Variants in OPA1 observed in about 807,000 individuals in gnomAD.
The protein encoded by OPA1 is dynamin-like GTPase OPA1, mitochondrial.
OPA1 carries 59 observed loss-of-function variants against 152.9 expected under a neutral mutation model. That is an observed-to-expected ratio of 0.39 (90% confidence interval 0.31 to 0.48). The LOEUF (loss-of-function observed/expected upper bound fraction) is 0.48, where lower values mean the gene tolerates loss of function less well. Ranked by LOEUF, OPA1 falls within the 20% of genes least tolerant of loss-of-function variation. OPA1 has a pLI of 0.96. For synonymous variants in OPA1, 400 were observed against 389.9 expected (o/e 1.03, Z -0.31); for missense variants, 1,008 against 1,216.8 (o/e 0.83, Z 2.55).
At chr3:193,639,866 G>A (rs1007339756) in intron 11 of OPA1, among the ~76,000 whole-genome samples, 3 of 152,208 alleles carry the variant, frequency 2.0e-5, no homozygotes, top group African/African-American at 7.2e-5. Flanking sequence ...AATGTGTTTT[G>A]AAAGTAGAAT....
chr3:193,691,980 T>C lies in OPA1; in HGVS notation c.2984-83T>C, dbSNP rs543385207. 8.5e-5 allele frequency: 70 copies of C among 819,910 alleles called. 3 individuals are homozygous for C. In the South Asian group the frequency reaches 1.1e-3, roughly 12 times the overall value. 50.8% of individuals were successfully genotyped at this position (819,910 alleles called of 1,614,324 possible). A position where few individuals can be genotyped will look rare whatever the true frequency, so the allele number is the denominator to read the frequency against. On this transcript the variant is annotated intron_variant, in intron 29 of 30. Coordinates refer to ENST00000361510, the MANE Select transcript of OPA1 (RefSeq NM_130837.3). ...TCTTTTTCCCGCAAATAGTTAAGTA[T>C]ACCAACCATTTAGTAAATAATTACC...
intron 26 of OPA1, 74 bp from the exon 27 acceptor site, chr3:193,664,806 G>T: frequency 1.2e-6 from 1 of 835,174 alleles, no homozygotes; most frequent in Non-Finnish European, 2.0e-6. Context: ...TATAATTTTT[G>T]TACAACTTCT....
intron 8 of OPA1, among the ~76,000 whole-genome samples, chr3:193,632,694 C>T (rs895752848): frequency 5.3e-5 from 8 of 151,894 alleles, no homozygotes; most frequent in African/African-American, 1.9e-4. Context: ...CCCGGAGAAA[C>T]CCCGTATCTA....
chr3:193,629,352 T>A (rs1731703761), intron 7 of OPA1, among the ~76,000 whole-genome samples: 1 of 152,168 alleles, frequency 6.6e-6, no homozygotes. Flanking sequence ...AAATTCAAAT[T>A]TATAAACATC....
At chr3:193,666,099 T>A (rs1227078892) in intron 27 of OPA1, among the ~76,000 whole-genome samples, 197 bp from the exon 28 acceptor site, 1 of 152,206 alleles carries the variant, frequency 6.6e-6, no homozygotes, top group Non-Finnish European at 1.5e-5. Flanking sequence ...CAGACAGATA[T>A]AAGCCAAATT....
intron 29 of OPA1, among the ~76,000 whole-genome samples, chr3:193,686,871 ATG>A (rs143536708): frequency 0.023 from 3,512 of 152,286 alleles, 48 homozygotes; most frequent in Non-Finnish European, 0.03. Flanking sequence ...GGATCTTTGG[ATG>A]TGTGGTTTGC....
intron 1 of OPA1, among the ~76,000 whole-genome samples, chr3:193,598,026 A>G (rs1045023683): frequency 6.6e-6 from 1 of 152,186 alleles, no homozygotes; most frequent in African/African-American, 2.4e-5. Flanking sequence ...GGCTGCAGTG[A>G]GCCCTGATAA....
Position 193,614,934 on chromosome 3 carries a change from T to A in OPA1, c.244T>A (p.Tyr82Asn). ...KLKFSPIKYG[Y>N]QPRRNFWPAR... ...GAAATTCTCTCCAATTAAATATGGC[T>A]ACCAGCCTCGCAGGAATTTTTGGCC... Residue 82 changes from tyrosine (Y) to asparagine (N), a missense_variant, in exon 2 of 31, where the codon TAC becomes AAC. Transcript: ENST00000361510. 1 of 1,613,968 alleles carries A rather than the reference T, an allele frequency of 6.2e-7. No homozygotes were observed. Among genetic ancestry groups the A allele is most frequent in the Middle Eastern group, 1.7e-4 (1 of 6,060 alleles).
At chr3:193,620,258 G>GAGA (rs1729815651) in intron 6 of OPA1, among the ~76,000 whole-genome samples, 1 of 152,188 alleles carries the variant, frequency 6.6e-6, no homozygotes, top group African/African-American at 2.4e-5. Context: ...GATTGGTTAG[G>GAGA]AGAAGTCTGT....
At chr3:193,615,474 T>C (rs970398710) in intron 2 of OPA1, among the ~76,000 whole-genome samples, 200 bp from the exon 3 acceptor site, 2 of 152,222 alleles carry the variant, frequency 1.3e-5, no homozygotes, top group Non-Finnish European at 2.9e-5. Flanking sequence ...ATTCTGAATT[T>C]TTACATTTTC....
In OPA1 at chr3:193,640,210, G is replaced by C. The variant is rs573432590; in HGVS notation, c.1149+2145G>C. Among the ~76,000 whole-genome samples, 4 of 152,298 alleles carry C rather than the reference G, an allele frequency of 2.6e-5. 1 individual carries two copies. Among genetic ancestry groups the C allele is most frequent in the African/African-American group, 7.2e-5 (3 of 41,564 alleles). ...CTTACTGGAGAAGATCTTCAAGGGA[G>C]TGAGTAGAGATAGAGAAAACACAGA... On this transcript the variant is annotated intron_variant, in intron 11 of 30. Transcript: ENST00000361510.
chr3:193,611,845 C>CTT lies in OPA1; in HGVS notation c.33-2869_33-2868dup, dbSNP rs34521284. On this transcript the variant is annotated intron_variant, in intron 1 of 30. Transcript: ENST00000361510. ...CTGAAACTGGTTCATCTTTTCTTTT[C>CTT]TTTTTTTTTTGCTTACAAGATTGTA... is the stretch of plus-strand genomic sequence containing the variant. Among the ~76,000 whole-genome samples, 157 of 148,704 alleles carry CTT rather than the reference C, an allele frequency of 1.1e-3. 1 individual carries two copies. Among genetic ancestry groups the CTT allele is most frequent in the Middle Eastern group, 3.4e-3 (1 of 292 alleles).
At chr3:193,647,019 T>C in intron 18 of OPA1, 46 bp from the exon 19 acceptor site, 3 of 1,287,622 alleles carry the variant, frequency 2.3e-6, no homozygotes, top group Non-Finnish European at 2.2e-6. Context: ...TGTTGTCCTT[T>C]TTGTCATTTT....
At chr3:193,675,033 G>A (rs1480879941) in intron 29 of OPA1, among the ~76,000 whole-genome samples, 1 of 152,130 alleles carries the variant, frequency 6.6e-6, no homozygotes, top group African/African-American at 2.4e-5. Context: ...AATTTTTCAT[G>A]CTATTAATTG....
intron 29 of OPA1, chr3:193,668,766 T>TA: frequency 8.1e-7 from 1 of 1,232,432 alleles, no homozygotes; most frequent in Non-Finnish European, 1.0e-6. Flanking sequence ...TTGGCCCTAC[T>TA]AATAATCACT....
intron 21 of OPA1, among the ~76,000 whole-genome samples, chr3:193,653,751 C>G (rs1713100899): frequency 6.6e-6 from 1 of 152,134 alleles, no homozygotes; most frequent in East Asian, 1.9e-4. Context: ...CTCAGACTCT[C>G]CCGTAAGCAC....
chr3:193,626,077 G>T lies in OPA1; in HGVS notation c.679-15G>T. The T allele has an allele frequency of 2.5e-6, 4 of 1,598,750 alleles. No homozygotes were observed. Among genetic ancestry groups the T allele is most frequent in the Non-Finnish European group, 3.4e-6 (4 of 1,166,166 alleles). On this transcript the variant is annotated splice_polypyrimidine_tract_variant and intron_variant, in intron 6 of 30. Coordinates refer to ENST00000361510, the MANE Select transcript of OPA1 (RefSeq NM_130837.3). ...TCCCCAATTTCCTCTTCTCCTCATT[G>T]TGAACTCGTGGCAGGGTCTGCTTGG...
rs1407332240 is a variant in OPA1, at chr3:193,626,123, A to C, written c.710A>C (p.Gln237Pro). Residue 237 changes from glutamine (Q) to proline (P), a missense_variant, in exon 7 of 31, where the codon CAA (glutamine) becomes CCA (proline). Transcript: ENST00000361510. ...CTTGGTGAGCTCATTCTCTTACAAC[A>C]ACAAATTCAAGAGCATGAAGAGGAA... is the stretch of plus-strand genomic sequence containing the variant. The part of the protein sequence containing the change: ...GLLGELILLQ[Q>P]QIQEHEEEAR... 6.2e-7 allele frequency: 1 copy of C among 1,614,096 alleles called. No individual in the cohort carries two copies. The highest frequency in any genetic ancestry group is 1.7e-5 in the Admixed American group (1 of 60,006).
At chr3:193,604,714 G>A (rs1726962413) in intron 1 of OPA1, among the ~76,000 whole-genome samples, 1 of 151,818 alleles carries the variant, frequency 6.6e-6, no homozygotes, top group Non-Finnish European at 1.5e-5. Context: ...TACAAAATTA[G>A]CCAGGCGTGG....
Sources: gnomAD v4.1 joint callset for allele counts (sites outside exome capture counted in the v4.1 genomes callset) on GRCh38, gnomAD v4.1.1 for gene constraint, MANE v1.5 for transcripts, NCBI Gene and HGNC (gene_info 2026-07-23, HGNC 2026-07-21) for gene names.